The following FRY variants were observed in gnomAD, a reference collection of about 807,000 sequenced individuals.
FRY encodes the protein protein furry homolog.
In FRY, 128 loss-of-function variants were observed where a neutral mutation model predicts 348.4. That is an observed-to-expected ratio of 0.37 (90% confidence interval 0.32 to 0.43). The LOEUF (loss-of-function observed/expected upper bound fraction) is 0.43, where lower values mean the gene tolerates loss of function less well. FRY is among the 20% of genes least tolerant of loss of function. The pLI is 1.00. For synonymous variants in FRY, 1,370 were observed against 1,374.7 expected (o/e 1.00, Z 0.08); for missense variants, 2,736 against 3,695.2 (o/e 0.74, Z 6.73).
At chr13:32,168,810 A>C (rs1219178759) in intron 17 of FRY, among the ~76,000 whole-genome samples, 1 of 152,234 alleles carries the variant, frequency 6.6e-6, no homozygotes, top group Non-Finnish European at 1.5e-5. Context: ...AAACTGGACC[A>C]ATTGGTGTAC....
At chr13:32,251,796 C>T in intron 49 of FRY, 82 bp from the exon 50 acceptor site, 1 of 835,250 alleles carries the variant, frequency 1.2e-6, no homozygotes, top group South Asian at 1.3e-5. Context: ...TGCTATTGCC[C>T]TGTATGGCTA....
chr13:32,032,023 T>TAC, intron 1 of FRY, among the ~76,000 whole-genome samples, 158 bp downstream of exon 1: 1 of 134,134 alleles, frequency 7.5e-6, no homozygotes, highest in African/African-American at 3.1e-5. Flanking sequence ...CTTTCTTTCT[T>TAC]TTTCTTTCTT....
In FRY at chr13:32,244,135, A is replaced by G. The variant is rs373986775; in HGVS notation, c.6781A>G (p.Lys2261Glu). The change falls in exon 47 of 61, where the codon AAA (lysine) becomes GAA (glutamate). Residue 2261 changes from lysine (K) to glutamate (E), a missense_variant. Lys to Glu is a moderately conservative substitution (Grantham distance 56, BLOSUM62 1). Transcript: ENST00000542859. ...SYMDLSVVPV[K>E]QFNVEVLKTI... ...CATGGACCTTTCTGTCGTTCCTGTC[A>G]AACAGTTCAATGTGGAAGTTCTGAA... 6 of 1,613,786 alleles carry G rather than the reference A, an allele frequency of 3.7e-6. No individual in the cohort carries two copies. In the African/African-American group the frequency reaches 4.0e-5, roughly 11 times the overall value.
At chr13:32,201,797 A>C (rs150316516) in intron 29 of FRY, 144 bp from the exon 30 acceptor site, 435 of 652,542 alleles carry the variant, frequency 6.7e-4, no homozygotes, top group African/African-American at 6.5e-3. Flanking sequence ...CAAAAGAAGG[A>C]AGCAAAAAAT....
intron 55 of FRY, among the ~76,000 whole-genome samples, chr13:32,268,502 AAAAAT>A (rs1448895053): frequency 1.6e-3 from 27 of 16,954 alleles, no homozygotes; most frequent in African/African-American, 3.4e-3. Flanking sequence ...AAAAAAAAAA[AAAAAT>A]ATATATATAT....
chr13:32,129,651 A>C (rs888345947), intron 7 of FRY, among the ~76,000 whole-genome samples: 10 of 152,236 alleles, frequency 6.6e-5, no homozygotes, highest in Non-Finnish European at 1.2e-4. Context: ...CGATGCTAAT[A>C]ACCCATTAGG....
rs559696586 is a variant in FRY at position 32,282,910 on chromosome 13, A to T, written c.8469+4362A>T. The stretch of plus-strand genomic sequence containing the variant: ...GTAATCCCAGCACTTTGGGAGCGTG[A>T]GGCAGGTGGATCACGAGGTCAGGAG... On this transcript the variant is annotated intron_variant, in intron 58 of 60. Transcript: ENST00000542859. Among the ~76,000 whole-genome samples the T allele has an allele frequency of 1.7e-3, 253 of 152,270 alleles. 1 individual carries two copies. Among genetic ancestry groups the T allele is most frequent in the African/African-American group, 5.7e-3 (236 of 41,556 alleles).
At chr13:32,061,226 G>A in intron 1 of FRY, 1 of 518,418 alleles carries the variant, frequency 1.9e-6, no homozygotes, top group East Asian at 5.6e-5. Flanking sequence ...GCTGAGTATG[G>A]GAGGACTCTT....
At chr13:32,104,429 A>T (rs1877399718) in intron 3 of FRY, among the ~76,000 whole-genome samples, 1 of 152,130 alleles carries the variant, frequency 6.6e-6, no homozygotes, top group Admixed American at 6.5e-5. Context: ...CTCCCAGGTG[A>T]CTCACATGCA....
chr13:32,124,506 G>C (rs915893354), intron 5 of FRY, 96 bp from the exon 6 acceptor site: 4 of 849,026 alleles, frequency 4.7e-6, no homozygotes, highest in Non-Finnish European at 8.0e-6. Flanking sequence ...TATGTTTATT[G>C]ATTGCTATTG....
At chr13:32,137,250 A>T (rs562733696) in intron 11 of FRY, among the ~76,000 whole-genome samples, 1 of 152,216 alleles carries the variant, frequency 6.6e-6, no homozygotes, top group Non-Finnish European at 1.5e-5. Flanking sequence ...ATATGCATCC[A>T]TTGTCACATT....
chr13:32,093,410 C>G (rs1320466510), intron 2 of FRY, among the ~76,000 whole-genome samples: 1 of 151,852 alleles, frequency 6.6e-6, no homozygotes, highest in African/African-American at 2.4e-5. Context: ...TTTTTTTTAC[C>G]CTCTCAAAAC....
chr13:32,225,015 T>G lies in FRY; in HGVS notation c.4999T>G (p.Leu1667Val), dbSNP rs1272298183. The G allele has an allele frequency of 1.2e-6, 2 of 1,600,124 alleles. No individual in the cohort carries two copies. The highest frequency in any genetic ancestry group is 3.3e-4 in the Middle Eastern group (2 of 6,040). Reference protein sequence around the residue: ...REDWALHLPLLLHAVFLGLDH... With the variant: ...REDWALHLPLVLHAVFLGLDH... ...AGACTGGGCGCTTCATCTACCATTA[T>G]TACTTCATGCTGTCTTCTTAGGTAA... The change falls in exon 38 of 61, where the codon TTA becomes GTA. Residue 1667 changes from leucine (L) to valine (V), a missense_variant. By Grantham distance (32) the Leu-to-Val change is conservative. Coordinates refer to ENST00000542859, the MANE Select transcript of FRY (RefSeq NM_023037.3).
At chr13:32,092,002 T>C (rs931457709) in intron 2 of FRY, among the ~76,000 whole-genome samples, 4 of 152,226 alleles carry the variant, frequency 2.6e-5, no homozygotes, top group Admixed American at 1.3e-4. Flanking sequence ...ATTTAACTAA[T>C]TGAATAATCT....
intron 17 of FRY, among the ~76,000 whole-genome samples, chr13:32,166,331 C>T (rs1389153714): frequency 1.3e-5 from 2 of 152,164 alleles, no homozygotes; most frequent in African/African-American, 4.8e-5. Flanking sequence ...GCAGCTGAGA[C>T]CTGTTCTTTC....
At chr13:32,269,338 T>C (rs1342185776) in intron 55 of FRY, among the ~76,000 whole-genome samples, 2 of 152,202 alleles carry the variant, frequency 1.3e-5, no homozygotes, top group African/African-American at 2.4e-5. Flanking sequence ...CAGGTTGCTG[T>C]ACATTGCAAT....
intron 2 of FRY, among the ~76,000 whole-genome samples, chr13:32,097,581 G>A (rs389914): frequency 0.45 from 68,617 of 151,254 alleles, 16,090 homozygotes; most frequent in South Asian, 0.64. Flanking sequence ...GGCTGGTCTC[G>A]AATTCCCAAC....
At chr13:32,048,574 C>G (rs1003725198) in intron 1 of FRY, among the ~76,000 whole-genome samples, 21 of 152,140 alleles carry the variant, frequency 1.4e-4, no homozygotes, top group African/African-American at 4.8e-4. Context: ...AAAATACTAA[C>G]TTTTTCCTAC....
intron 1 of FRY, among the ~76,000 whole-genome samples, chr13:32,057,357 A>G (rs1414399320): frequency 2.0e-5 from 3 of 151,910 alleles, no homozygotes; most frequent in African/African-American, 7.3e-5. Flanking sequence ...TTTTTAGTAG[A>G]GACAGGGTTT....
Sources: allele counts gnomAD v4.1 joint callset (sites outside exome capture counted in the v4.1 genomes callset), GRCh38; gene constraint gnomAD v4.1.1; transcripts MANE v1.5; gene names NCBI Gene and HGNC (gene_info 2026-07-23, HGNC 2026-07-21).